Variants in ARFGAP3 observed in about 807,000 individuals in gnomAD.
ARFGAP3 encodes ADP-ribosylation factor GTPase-activating protein 3.
A neutral mutation model predicts 75.0 loss-of-function variants in ARFGAP3; 72 were observed. The observed-to-expected ratio is 0.96, with a 90% CI of 0.79 to 1.17. ARFGAP3 has a LOEUF of 1.17. Ranked by LOEUF, ARFGAP3 falls within the 50% of genes most tolerant of loss-of-function variation. The probability of loss-of-function intolerance (pLI) is 0.00; values close to 1 mark genes in which losing one functional copy is unlikely to be tolerated. For synonymous variants in ARFGAP3, 221 were observed against 217.9 expected, an observed-to-expected ratio of 1.01 and a Z score of -0.13; for missense variants, 620 against 626.6, an observed-to-expected ratio of 0.99 and a Z score of 0.11.
intron 13 of ARFGAP3, 25 bp from the exon 14 acceptor site, chr22:42,807,188 T>C (rs1569137123): frequency 6.3e-7 from 1 of 1,590,560 alleles, no homozygotes; most frequent in East Asian, 2.2e-5. Context: ...GAAAAGGAAA[T>C]GTTAGGCTCC....
intron 2 of ARFGAP3, among the ~76,000 whole-genome samples, chr22:42,843,363 G>A (rs895621366): frequency 1.1e-4 from 16 of 152,146 alleles, no homozygotes; most frequent in Non-Finnish European, 1.9e-4. Context: ...CTGAAGGTCC[G>A]AGTGCTGACC....
intron 13 of ARFGAP3, 108 bp downstream of exon 13, chr22:42,808,659 T>C: frequency 1.1e-6 from 1 of 887,108 alleles, no homozygotes; most frequent in South Asian, 2.0e-5. Context: ...CCAGAGGGCA[T>C]CTGGCAGCCT....
intron 15 of ARFGAP3, among the ~76,000 whole-genome samples, chr22:42,798,488 C>T (rs957862962): frequency 6.6e-6 from 1 of 151,716 alleles, no homozygotes; most frequent in African/African-American, 2.4e-5. Flanking sequence ...GACTCTCATG[C>T]GCAAGTATGC....
At chr22:42,807,248 G>C (rs1925167841) in intron 13 of ARFGAP3, 85 bp from the exon 14 acceptor site, 2 of 1,495,172 alleles carry the variant, frequency 1.3e-6, no homozygotes, top group Non-Finnish European at 1.8e-6. Flanking sequence ...GCTGTCATTT[G>C]AAAGTGTTTG....
At chr22:42,843,133 C>T (rs116191710) in intron 2 of ARFGAP3, among the ~76,000 whole-genome samples, 4,165 of 152,000 alleles carry the variant, frequency 0.027, 66 homozygotes, top group African/African-American at 0.035. Flanking sequence ...TCGGTCCTCA[C>T]CTCTTCCTGA....
At chr22:42,830,618 T>G (rs1381922246) in intron 6 of ARFGAP3, among the ~76,000 whole-genome samples, 8 of 152,230 alleles carry the variant, frequency 5.3e-5, no homozygotes, top group African/African-American at 1.9e-4. Context: ...ATGCACAACT[T>G]TAAAACAGAA....
chr22:42,837,390 G>A (rs1199290554), intron 3 of ARFGAP3, among the ~76,000 whole-genome samples: 2 of 152,118 alleles, frequency 1.3e-5, no homozygotes, highest in Non-Finnish European at 1.5e-5. Flanking sequence ...GGTGGCAGAG[G>A]TAGGCAGATC....
chr22:42,801,300 C>T (rs1357946134), intron 14 of ARFGAP3, among the ~76,000 whole-genome samples: 4 of 152,208 alleles, frequency 2.6e-5, no homozygotes, highest in Non-Finnish European at 5.9e-5. Flanking sequence ...AGCTGCTCCC[C>T]TCTCTGAGAC....
chr22:42,841,060 C>T, intron 2 of ARFGAP3, 44 bp from the exon 3 acceptor site: 3 of 1,592,284 alleles, frequency 1.9e-6, no homozygotes, highest in South Asian at 1.1e-5. Flanking sequence ...TTTTTATCCC[C>T]AGGAGCAAAA....
chr22:42,852,004 G>A (rs1927296791), intron 1 of ARFGAP3, among the ~76,000 whole-genome samples: 1 of 152,100 alleles, frequency 6.6e-6, no homozygotes, highest in Non-Finnish European at 1.5e-5. Flanking sequence ...CAGTCGCAGA[G>A]GGCCCCACAC....
In ARFGAP3 at chr22:42,822,343, T is replaced by C; in HGVS notation, c.739A>G (p.Lys247Glu). The C allele has an allele frequency of 6.2e-7, 1 of 1,614,218 alleles. No individual in the cohort carries two copies. The highest frequency in any genetic ancestry group is 8.5e-7 in the Non-Finnish European group (1 of 1,180,046). ...ATTTTATCCGCAGCTTGAGCTTGTT[T>C]TTCAATTTCATTAAAGCATGTGTTT... ...LANTCFNEIE[K>E]QAQAADKMKE... Residue 247 changes from lysine (K) to glutamate (E), a missense_variant, in exon 9 of 16, where the codon AAA becomes GAA. Physicochemically the swap from Lys to Glu is moderately conservative, Grantham distance 56. Coordinates refer to ENST00000263245, the MANE Select transcript of ARFGAP3 (RefSeq NM_014570.5).
At chr22:42,814,433 C>T (rs1221171044) in intron 11 of ARFGAP3, among the ~76,000 whole-genome samples, 1 of 152,212 alleles carries the variant, frequency 6.6e-6, no homozygotes, top group African/African-American at 2.4e-5. Context: ...ATAAACAATA[C>T]ACCAAGGTCT....
chr22:42,799,209 G>A, intron 14 of ARFGAP3, 49 bp from the exon 15 acceptor site: 1 of 1,604,004 alleles, frequency 6.2e-7, no homozygotes, highest in Non-Finnish European at 8.5e-7. Context: ...GGCCACAGCT[G>A]CGGCAAACCC....
At chr22:42,838,916 C>T (rs1024595553) in intron 3 of ARFGAP3, among the ~76,000 whole-genome samples, 1 of 151,742 alleles carries the variant, frequency 6.6e-6, no homozygotes, top group African/African-American at 2.4e-5. Context: ...CGAGACCATC[C>T]TAGCTAACAT....
At chr22:42,830,405 G>A (rs1370396637) in intron 6 of ARFGAP3, among the ~76,000 whole-genome samples, 3 of 152,176 alleles carry the variant, frequency 2.0e-5, no homozygotes, top group Non-Finnish European at 4.4e-5. Context: ...ATCCTTGCCA[G>A]AAATTTTCTC....
intron 3 of ARFGAP3, among the ~76,000 whole-genome samples, chr22:42,837,006 C>A (rs1315552769): frequency 6.6e-6 from 1 of 152,220 alleles, no homozygotes; most frequent in East Asian, 1.9e-4. Flanking sequence ...CCCATGTCCC[C>A]CAACCCCTGA....
intron 1 of ARFGAP3, among the ~76,000 whole-genome samples, chr22:42,851,492 G>C (rs1270079516): frequency 6.6e-6 from 1 of 152,238 alleles, no homozygotes; most frequent in Non-Finnish European, 1.5e-5. Flanking sequence ...ACCTGAGCTT[G>C]GCACCATGCC....
At chr22:42,804,632 G>A (rs1342764925) in intron 14 of ARFGAP3, among the ~76,000 whole-genome samples, 3 of 151,698 alleles carry the variant, frequency 2.0e-5, no homozygotes, top group East Asian at 1.9e-4. Context: ...CACCCGCCTC[G>A]GCCTCCCAAA....
intron 2 of ARFGAP3, among the ~76,000 whole-genome samples, chr22:42,844,997 C>G (rs4820489): frequency 0.38 from 58,012 of 152,004 alleles, 11,756 homozygotes; most frequent in Non-Finnish European, 0.45. Flanking sequence ...CCTTCCCTCA[C>G]GGAGGAACAC....
Sources: gnomAD v4.1 joint callset for allele counts (sites outside exome capture counted in the v4.1 genomes callset) on GRCh38, gnomAD v4.1.1 for gene constraint, MANE v1.5 for transcripts, NCBI Gene and HGNC (gene_info 2026-07-23, HGNC 2026-07-21) for gene names.